Variants in PPFIA1 observed in about 807,000 individuals in gnomAD.
PPFIA1 encodes the protein PPFI scaffold protein A1, also known as liprin-alpha-1.
Under a neutral mutation model 149.9 loss-of-function variants are expected in PPFIA1, and 25 were observed. The observed-to-expected ratio is 0.17, with a 90% confidence interval of 0.12 to 0.23. The LOEUF (loss-of-function observed/expected upper bound fraction) is 0.23, where lower values mean the gene tolerates loss of function less well. Ranked by LOEUF, PPFIA1 falls within the 10% of genes least tolerant of loss-of-function variation. The probability of loss-of-function intolerance (pLI) is 1.00; values close to 1 mark genes in which losing one functional copy is unlikely to be tolerated. For missense variants in PPFIA1, 1,362 were observed against 1,506.5 expected, an observed-to-expected ratio of 0.90 and a Z score of 1.59; for synonymous variants, 549 against 552.8, an observed-to-expected ratio of 0.99 and a Z score of 0.10.
chr11:70,272,453 C>T lies in PPFIA1; in HGVS notation c.264+17C>T. 1 of 1,569,358 alleles carries T rather than the reference C, an allele frequency of 6.4e-7. No individual in the cohort carries two copies. The highest frequency in any genetic ancestry group is 8.6e-7 in the Non-Finnish European group (1 of 1,157,940). On this transcript the variant is annotated intron_variant, in intron 2 of 27. Coordinates refer to ENST00000253925, the MANE Select transcript of PPFIA1 (RefSeq NM_003626.5). The stretch of plus-strand genomic sequence containing the variant: ...CTTCCACAGGTATGAGTGCTTTTAA[C>T]CTGAAACTATAGATTTTTCTCCACT...
chr11:70,340,940 C>T (rs1296796218), intron 14 of PPFIA1: 5 of 336,704 alleles, frequency 1.5e-5, no homozygotes, highest in South Asian at 1.1e-4. Flanking sequence ...GCTCTAGGGT[C>T]CTTGCATTGT....
intron 2 of PPFIA1, chr11:70,278,891 A>C: frequency 5.6e-6 from 3 of 533,876 alleles, no homozygotes; most frequent in South Asian, 5.5e-5. Context: ...GTCCTGAGAT[A>C]ATAAGGAATC....
At chr11:70,289,301 G>C (rs568132247) in intron 2 of PPFIA1, among the ~76,000 whole-genome samples, 1 of 151,852 alleles carries the variant, frequency 6.6e-6, no homozygotes, top group East Asian at 1.9e-4. Context: ...CCTTTCATTG[G>C]ACAGAGCTAG....
chr11:70,380,716 CA>C (rs2057679449), intron 26 of PPFIA1, among the ~76,000 whole-genome samples: 1 of 140,202 alleles, frequency 7.1e-6, no homozygotes, highest in Non-Finnish European at 1.5e-5. Context: ...GCCTGGGCGA[CA>C]AGAGCAAAAC....
chr11:70,334,380 C>G (rs1035122091), intron 10 of PPFIA1: 2 of 152,156 alleles, frequency 1.3e-5, no homozygotes, highest in African/African-American at 4.8e-5. Context: ...TGGCCATGCC[C>G]TGCAGAGAAT....
intron 25 of PPFIA1, among the ~76,000 whole-genome samples, chr11:70,377,236 T>C (rs2057530103): frequency 6.6e-6 from 1 of 152,150 alleles, no homozygotes; most frequent in East Asian, 1.9e-4. Flanking sequence ...GTAAGTTGGG[T>C]TTTGGGGACC....
rs555825807 is a variant in PPFIA1, at chr11:70,325,657, C to T, written c.606+83C>T. ...TTATTAAAAGCAGCATAAGGCCAGA[C>T]GTGGTGGCTCACACCTGTCATCCCA... On this transcript the variant is annotated intron_variant, in intron 5 of 27. Transcript: ENST00000253925. 120 of 1,111,576 alleles carry T rather than the reference C, an allele frequency of 1.1e-4. No individual in the cohort carries two copies. In the African/African-American group the frequency reaches 1.3e-3, roughly 12 times the overall value. 68.9% of individuals were successfully genotyped at this position (1,111,576 alleles called of 1,614,324 possible). A position where few individuals can be genotyped will look rare whatever the true frequency, so the allele number is the denominator to read the frequency against.
chr11:70,340,024 T>C (rs1013228589), intron 14 of PPFIA1, among the ~76,000 whole-genome samples: 1 of 149,768 alleles, frequency 6.7e-6, no homozygotes, highest in Non-Finnish European at 1.5e-5. Context: ...AAAAATAAAA[T>C]AAAAAGCCGA....
At chr11:70,298,505 C>T (rs538745464) in intron 2 of PPFIA1, among the ~76,000 whole-genome samples, 2 of 152,194 alleles carry the variant, frequency 1.3e-5, no homozygotes, top group South Asian at 2.1e-4. Context: ...TTTTTGTGTT[C>T]CCCAAACTAT....
At position 70,376,573 on chromosome 11, in the gene PPFIA1, C is replaced by T; in HGVS notation, c.3357C>T (p.Val1119=). The T allele has an allele frequency of 6.2e-7, 1 of 1,613,852 alleles. No homozygotes were observed. Among genetic ancestry groups the T allele is most frequent in the Non-Finnish European group, 8.5e-7 (1 of 1,179,750 alleles). The change falls in exon 25 of 28, where the codon GTC becomes GTT. Residue 1119 remains valine (V), a synonymous_variant. Coordinates refer to ENST00000253925, the MANE Select transcript of PPFIA1 (RefSeq NM_003626.5). The part of the protein sequence containing the change: ...VLEREFNNLL[V]MGTDRRFDED... ...AAAGAGAATTTAACAACCTTTTGGT[C>T]ATGGGGACTGATAGAAGGTTTGATG... is the stretch of plus-strand genomic sequence containing the variant.
chr11:70,346,161 C>T (rs1440270887), intron 15 of PPFIA1, among the ~76,000 whole-genome samples: 4 of 152,350 alleles, frequency 2.6e-5, no homozygotes, highest in South Asian at 4.1e-4. Flanking sequence ...ACCCTGCCCA[C>T]GCTGGCTTGG....
chr11:70,339,522 G>C (rs1242986406), intron 14 of PPFIA1, among the ~76,000 whole-genome samples: 1 of 151,276 alleles, frequency 6.6e-6, no homozygotes, highest in Non-Finnish European at 1.5e-5. Flanking sequence ...TAGGGTCTGT[G>C]TTGCCCAAGC....
At chr11:70,342,258 G>C (rs2055379425) in intron 14 of PPFIA1, 1 of 152,458 alleles carries the variant, frequency 6.6e-6, no homozygotes, top group Admixed American at 6.5e-5. Flanking sequence ...GCTTGAGGCT[G>C]CTGCCCAGCA....
chr11:70,356,282 A>G (rs1343537920), intron 19 of PPFIA1, 28 bp downstream of exon 19: 1 of 1,561,744 alleles, frequency 6.4e-7, no homozygotes, highest in Non-Finnish European at 8.8e-7. Context: ...TCTTCATCTC[A>G]TTGAATGGTT....
chr11:70,304,249 G>T (rs1016739379), intron 2 of PPFIA1, among the ~76,000 whole-genome samples: 1 of 152,094 alleles, frequency 6.6e-6, no homozygotes. Context: ...CCCTCAGAGG[G>T]CATGGAAGCT....
intron 21 of PPFIA1, among the ~76,000 whole-genome samples, chr11:70,368,712 G>A (rs1450090513): frequency 6.6e-6 from 1 of 152,188 alleles, no homozygotes; most frequent in African/African-American, 2.4e-5. Context: ...AATTGGCCTT[G>A]CATCCTGCAA....
intron 16 of PPFIA1, among the ~76,000 whole-genome samples, chr11:70,350,788 A>G (rs754804276): frequency 1.3e-5 from 2 of 152,210 alleles, no homozygotes; most frequent in Non-Finnish European, 2.9e-5. Flanking sequence ...GTAATAATTT[A>G]TAGTGTTTCT....
At chr11:70,298,124 CAG>C (rs2052211076) in intron 2 of PPFIA1, among the ~76,000 whole-genome samples, 1 of 152,214 alleles carries the variant, frequency 6.6e-6, no homozygotes, top group Non-Finnish European at 1.5e-5. Context: ...AAATCCAAAT[CAG>C]ATGTTTGGGT....
At chr11:70,380,411 CAAA>C (rs1183784440) in intron 26 of PPFIA1, among the ~76,000 whole-genome samples, 5 of 113,088 alleles carry the variant, frequency 4.4e-5, no homozygotes, top group Non-Finnish European at 9.8e-5. Context: ...ACTAAAAATA[CAAA>C]AAAAAAAAAA....
Sources: allele counts gnomAD v4.1 joint callset (sites outside exome capture counted in the v4.1 genomes callset), GRCh38; gene constraint gnomAD v4.1.1; transcripts MANE v1.5; gene names NCBI Gene and HGNC (gene_info 2026-07-23, HGNC 2026-07-21).